Variants in LIPC observed in about 807,000 individuals in gnomAD.
LIPC encodes lipase C, hepatic type, also known as hepatic triacylglycerol lipase.
Under a neutral mutation model 50.7 loss-of-function variants are expected in LIPC, and 44 were observed. The observed-to-expected ratio is 0.87, with a 90% CI of 0.68 to 1.11. The LOEUF is 1.11. Among genes scored for constraint, LIPC ranks in the 50% most tolerant of loss-of-function variants. LIPC has a pLI of 0.00. For missense variants in LIPC, 697 were observed against 648.2 expected (o/e 1.08, Z -0.82); for synonymous variants, 271 against 256.4 (o/e 1.06, Z -0.54).
rs186236357 is a variant in LIPC, at chr15:58,465,687, C to T, written c.88+33567C>T. Among the ~76,000 whole-genome samples, 5 of 152,212 alleles carry T rather than the reference C, an allele frequency of 3.3e-5. No individual in the cohort carries two copies. In the East Asian group the frequency reaches 9.7e-4, roughly 29 times the overall value. ...GGCATTCACAGGCCTAGGAAGTCAG[C>T]TGGGGCAGGAAGGCTCAGACAAGGC... On this transcript the variant is annotated intron_variant, in intron 1 of 8. Transcript: ENST00000299022.
At chr15:58,448,411 CT>C (rs1893778192) in intron 1 of LIPC, among the ~76,000 whole-genome samples, 1 of 152,258 alleles carries the variant, frequency 6.6e-6, no homozygotes, top group East Asian at 1.9e-4. Flanking sequence ...TCCTCCTTTC[CT>C]TCCTAACTTC....
intron 1 of LIPC, among the ~76,000 whole-genome samples, chr15:58,518,126 T>C (rs1892539101): frequency 6.6e-6 from 1 of 152,250 alleles, no homozygotes; most frequent in African/African-American, 2.4e-5. Context: ...GAGGCTGTCC[T>C]GTGCATTGAA....
At chr15:58,546,081 G>A in intron 5 of LIPC, 106 bp downstream of exon 5, 1 of 985,394 alleles carries the variant, frequency 1.0e-6, no homozygotes, top group Admixed American at 1.9e-5. Context: ...AGTTCAGCAA[G>A]GATAGGGGCC....
intron 7 of LIPC, among the ~76,000 whole-genome samples, chr15:58,561,432 G>T (rs34964641): frequency 0.95 from 143,970 of 152,164 alleles, 68,341 homozygotes; most frequent in Middle Eastern, 0.99. Context: ...AGAGAGTGTC[G>T]GGATTAGATA....
intron 1 of LIPC, among the ~76,000 whole-genome samples, chr15:58,527,060 G>A (rs1243004658): frequency 6.6e-6 from 1 of 152,248 alleles, no homozygotes; most frequent in African/African-American, 2.4e-5. Flanking sequence ...AAGTGGGCAG[G>A]CAGCAGTCAG....
intron 5 of LIPC, among the ~76,000 whole-genome samples, chr15:58,548,099 G>A (rs1192337860): frequency 6.6e-6 from 1 of 152,006 alleles, no homozygotes; most frequent in Non-Finnish European, 1.5e-5. Flanking sequence ...TCAGGATCCC[G>A]GCAGTGCCCG....
At chr15:58,493,483 T>A (rs371172685) in intron 1 of LIPC, among the ~76,000 whole-genome samples, 62 of 151,188 alleles carry the variant, frequency 4.1e-4, no homozygotes, top group Admixed American at 1.8e-3. Flanking sequence ...ATATATATAT[T>A]TTTTTGTGTA....
At chr15:58,566,108 G>C in intron 8 of LIPC, 1 of 974,112 alleles carries the variant, frequency 1.0e-6, no homozygotes, top group Non-Finnish European at 1.2e-6. Context: ...GGGTGAGCCT[G>C]ATGTTCTGCA....
At chr15:58,567,336 T>C (rs28656452) in intron 8 of LIPC, among the ~76,000 whole-genome samples, 31 of 16,690 alleles carry the variant, frequency 1.9e-3, no homozygotes, top group East Asian at 2.5e-3. Flanking sequence ...TATATATATA[T>C]ATGTATATGT....
intron 1 of LIPC, among the ~76,000 whole-genome samples, chr15:58,477,890 A>G (rs145219188): frequency 4.6e-4 from 70 of 152,228 alleles, no homozygotes; most frequent in African/African-American, 1.5e-3. Context: ...TTTGAGCCAC[A>G]TGGCAGTCCG....
chr15:58,516,237 C>CTTTTTTTTTT (rs11351202), intron 1 of LIPC, among the ~76,000 whole-genome samples: 15 of 45,162 alleles, frequency 3.3e-4, no homozygotes, highest in East Asian at 1.8e-3. Context: ...CCTCTAGCTT[C>CTTTTTTTTTT]TTTTTTTTTT....
chr15:58,502,163 G>C lies in LIPC; in HGVS notation c.89-36170G>C, dbSNP rs1892005450. Among the ~76,000 whole-genome samples, 4 of 152,292 alleles carry C rather than the reference G, an allele frequency of 2.6e-5. No homozygotes were observed. In the South Asian group the frequency reaches 8.3e-4, roughly 32 times the overall value. On this transcript the variant is annotated intron_variant, in intron 1 of 8. Transcript: ENST00000299022. ...CCCAGAGTGGGGCAGGAAGAAGCAGGCACACCATGACATCTTCTCATTTTC... is the reference window on the plus strand; with the variant it reads ...CCCAGAGTGGGGCAGGAAGAAGCAGCCACACCATGACATCTTCTCATTTTC...
chr15:58,489,225 GGGGGGC>G (rs1566926432), intron 1 of LIPC, among the ~76,000 whole-genome samples: 1 of 105,256 alleles, frequency 9.5e-6, no homozygotes, highest in African/African-American at 3.8e-5. Flanking sequence ...TGCGGGGGCG[GGGGGGC>G]GGCTTACAAG....
chr15:58,440,989 G>A (rs1893488872), intron 1 of LIPC, among the ~76,000 whole-genome samples: 2 of 152,174 alleles, frequency 1.3e-5, no homozygotes, highest in South Asian at 4.1e-4. Flanking sequence ...CTGGAGGCAG[G>A]GCAGACCACT....
At chr15:58,432,186 A>G in intron 1 of LIPC, 66 bp downstream of exon 1, 2 of 1,203,480 alleles carry the variant, frequency 1.7e-6, no homozygotes, top group Non-Finnish European at 2.5e-6. Context: ...TGTCACAAAG[A>G]ATCCAGGGGT....
At chr15:58,485,449 A>G (rs1396611645) in intron 1 of LIPC, among the ~76,000 whole-genome samples, 1 of 152,176 alleles carries the variant, frequency 6.6e-6, no homozygotes, top group Non-Finnish European at 1.5e-5. Flanking sequence ...CCCGTGCAAC[A>G]GCCACATGCA....
rs765814048 is a variant in LIPC at position 58,542,681 on chromosome 15, T to TC, written c.574+31dup. The TC allele has an allele frequency of 9.8e-6, 14 of 1,431,020 alleles. No individual in the cohort carries two copies. The African/African-American group carries it at 1.8e-4, about 19-fold the overall frequency. The allele number at this position is 1,431,020 out of a possible 1,614,324, so 88.6% of individuals were successfully genotyped here. A position where few individuals can be genotyped will look rare whatever the true frequency, so the allele number is the denominator to read the frequency against. ...CCATGCCTAATAACTCACACACTGA[T>TC]CTCCACTCCATAGGGGCATCCAACA... On this transcript the variant is annotated intron_variant, in intron 4 of 8. Transcript: ENST00000299022.
At chr15:58,433,784 A>C (rs1893199159) in intron 1 of LIPC, among the ~76,000 whole-genome samples, 1 of 152,202 alleles carries the variant, frequency 6.6e-6, no homozygotes, top group Non-Finnish European at 1.5e-5. Flanking sequence ...TAGTTTGTGC[A>C]AATGCTGAGA....
chr15:58,546,491 T>C (rs1893535439), intron 5 of LIPC, among the ~76,000 whole-genome samples: 1 of 152,198 alleles, frequency 6.6e-6, no homozygotes, highest in African/African-American at 2.4e-5. Flanking sequence ...CAGCTTCAAA[T>C]ATGTCCTTGT....
Sources: gnomAD v4.1 joint callset for allele counts (sites outside exome capture counted in the v4.1 genomes callset) on GRCh38, gnomAD v4.1.1 for gene constraint, MANE v1.5 for transcripts, NCBI Gene and HGNC (gene_info 2026-07-23, HGNC 2026-07-21) for gene names.